Variants in ARHGEF28 observed in about 807,000 individuals in gnomAD.
The protein encoded by ARHGEF28 is Rho guanine nucleotide exchange factor 28, also known as 190 kDa guanine nucleotide exchange factor.
Under a neutral mutation model 206.6 loss-of-function variants are expected in ARHGEF28, and 152 were observed. That is an observed-to-expected ratio of 0.74 (90% CI 0.64 to 0.84). The LOEUF is 0.84. Ranked by LOEUF, ARHGEF28 falls within the 40% of genes least tolerant of loss-of-function variation. The pLI is 0.00. For synonymous variants in ARHGEF28, 763 were observed against 776.4 expected, an observed-to-expected ratio of 0.98 and a Z score of 0.29; for missense variants, 2,028 against 2,073.2, an observed-to-expected ratio of 0.98 and a Z score of 0.42.
At chr5:73,651,670 A>AT (rs147532714) in intron 1 of ARHGEF28, among the ~76,000 whole-genome samples, 4,010 of 152,176 alleles carry the variant, frequency 0.026, 93 homozygotes, top group Middle Eastern at 0.068. Context: ...TACATTACTA[A>AT]TTTTTTTATG....
chr5:73,788,116 G>A (rs1754267152), intron 7 of ARHGEF28, among the ~76,000 whole-genome samples: 3 of 150,998 alleles, frequency 2.0e-5, no homozygotes, highest in African/African-American at 4.9e-5. Flanking sequence ...CAGATAAGCA[G>A]CCTAGAGAGA....
chr5:73,880,356 A>T (rs1342933532), intron 22 of ARHGEF28, among the ~76,000 whole-genome samples: 1 of 152,158 alleles, frequency 6.6e-6, no homozygotes, highest in African/African-American at 2.4e-5. Context: ...CAGGAAAGGG[A>T]ACTCCCTGAC....
At chr5:73,910,109 G>A (rs1414288892) in intron 34 of ARHGEF28, among the ~76,000 whole-genome samples, 2 of 152,096 alleles carry the variant, frequency 1.3e-5, no homozygotes. Flanking sequence ...GGCCAGGCGC[G>A]GTGGCTCATG....
intron 9 of ARHGEF28, among the ~76,000 whole-genome samples, chr5:73,800,948 G>T (rs1755092064): frequency 6.6e-6 from 1 of 152,216 alleles, no homozygotes; most frequent in Admixed American, 6.5e-5. Flanking sequence ...CATACTGGGA[G>T]AGTGCAGGCC....
intron 22 of ARHGEF28, among the ~76,000 whole-genome samples, chr5:73,881,357 G>T (rs998325995): frequency 6.6e-6 from 1 of 152,002 alleles, no homozygotes; most frequent in Non-Finnish European, 1.5e-5. Context: ...GTTAAGAATT[G>T]TACTAAAACT....
chr5:73,779,725 A>G (rs1164688747), intron 6 of ARHGEF28, among the ~76,000 whole-genome samples: 1 of 152,042 alleles, frequency 6.6e-6, no homozygotes, highest in Non-Finnish European at 1.5e-5. Flanking sequence ...CACTCATTCC[A>G]TGGTGGGCCT....
At chr5:73,907,106 T>A (rs1016817950) in intron 33 of ARHGEF28, among the ~76,000 whole-genome samples, 1 of 152,194 alleles carries the variant, frequency 6.6e-6, no homozygotes, top group East Asian at 1.9e-4. Flanking sequence ...TTTAGTGTCT[T>A]AGGTTAGATG....
At chr5:73,672,812 C>T (rs182589720) in intron 1 of ARHGEF28, among the ~76,000 whole-genome samples, 14 of 152,154 alleles carry the variant, frequency 9.2e-5, no homozygotes, top group Admixed American at 3.3e-4. Flanking sequence ...ATATATCCTG[C>T]GAAATACAAG....
chr5:73,655,772 C>T (rs2112176396), intron 1 of ARHGEF28, among the ~76,000 whole-genome samples: 1 of 152,252 alleles, frequency 6.6e-6, no homozygotes, highest in South Asian at 2.1e-4. Context: ...TCTTCCTTGA[C>T]CATTAGAAAA....
chr5:73,801,222 G>A (rs528040291), intron 9 of ARHGEF28, among the ~76,000 whole-genome samples: 46 of 152,236 alleles, frequency 3.0e-4, no homozygotes, highest in African/African-American at 9.4e-4. Flanking sequence ...CGAGGCAGGC[G>A]GATCACGAGG....
At chr5:73,727,189 C>T (rs770753023) in intron 2 of ARHGEF28, among the ~76,000 whole-genome samples, 9 of 152,140 alleles carry the variant, frequency 5.9e-5, no homozygotes, top group Non-Finnish European at 1.0e-4. Flanking sequence ...GATTAGGCAT[C>T]AGGAAGAACT....
At chr5:73,841,143 T>C (rs929595893) in intron 11 of ARHGEF28, among the ~76,000 whole-genome samples, 1 of 152,202 alleles carries the variant, frequency 6.6e-6, no homozygotes, top group African/African-American at 2.4e-5. Flanking sequence ...TTTCCTCTCG[T>C]GTACTAGGAG....
chr5:73,881,073 C>T (rs1271766754), intron 22 of ARHGEF28, among the ~76,000 whole-genome samples: 13 of 149,994 alleles, frequency 8.7e-5, no homozygotes, highest in African/African-American at 2.5e-4. Flanking sequence ...TCCAATTGCT[C>T]CAGTGCCATT....
intron 18 of ARHGEF28, 49 bp from the exon 19 acceptor site, chr5:73,867,827 T>A: frequency 2.5e-6 from 4 of 1,611,498 alleles, no homozygotes; most frequent in Non-Finnish European, 3.4e-6. Context: ...TACTTTTACT[T>A]GTAATTACTG....
chr5:73,645,455 T>C (rs1024273970), intron 1 of ARHGEF28, among the ~76,000 whole-genome samples: 1 of 152,242 alleles, frequency 6.6e-6, no homozygotes, highest in Non-Finnish European at 1.5e-5. Flanking sequence ...ATGTAAGTTC[T>C]GAGAAAATAC....
At chr5:73,858,032 C>T (rs968974938) in intron 15 of ARHGEF28, 55 bp from the exon 16 acceptor site, 249 of 1,549,656 alleles carry the variant, frequency 1.6e-4, no homozygotes, top group Admixed American at 1.3e-3. Flanking sequence ...TGGCTCACAG[C>T]GTTTTCCTTT....
At position 73,886,007 on chromosome 5, in the gene ARHGEF28, T is replaced by C; in HGVS notation, c.3213T>C (p.Asn1071=). The change falls in exon 25 of 36, where the codon AAT becomes AAC. Residue 1071 remains asparagine, a synonymous_variant. Coordinates refer to ENST00000513042, the MANE Select transcript of ARHGEF28 (RefSeq NM_001177693.2). ...IENKTYTKLK[N]GHVFRKQALM... is the part of the protein sequence containing the mutation. ...ACAAAACATACACGAAGCTCAAAAA[T>C]GGACATGTGTTTAGGAAGCAGGCAC... 1 of 1,613,844 alleles carries C rather than the reference T, an allele frequency of 6.2e-7. No individual in the cohort carries two copies.
chr5:73,833,760 A>G (rs1297297736), intron 10 of ARHGEF28, among the ~76,000 whole-genome samples: 3 of 152,190 alleles, frequency 2.0e-5, no homozygotes, highest in African/African-American at 7.2e-5. Context: ...AACTTAAAAT[A>G]ATGGCGGAAG....
intron 9 of ARHGEF28, among the ~76,000 whole-genome samples, chr5:73,829,453 T>G (rs1288836437): frequency 6.6e-6 from 1 of 152,184 alleles, no homozygotes; most frequent in Non-Finnish European, 1.5e-5. Flanking sequence ...CAATCTCGGC[T>G]CACTGCAACC....
Sources: gnomAD v4.1 joint callset for allele counts (sites outside exome capture counted in the v4.1 genomes callset) on GRCh38, gnomAD v4.1.1 for gene constraint, MANE v1.5 for transcripts, NCBI Gene and HGNC (gene_info 2026-07-23, HGNC 2026-07-21) for gene names.